CHRM2: variants seen among roughly 807,000 people sequenced by gnomAD.
CHRM2 encodes muscarinic acetylcholine receptor M2.
Under a neutral mutation model 25.0 loss-of-function variants are expected in CHRM2, and 8 were observed. That is an observed-to-expected ratio of 0.32 (90% CI 0.19 to 0.58). The LOEUF (loss-of-function observed/expected upper bound fraction) is 0.58. Among genes scored for constraint, CHRM2 ranks in the 20% least tolerant of loss-of-function variants. CHRM2 has a pLI of 0.88. For synonymous variants in CHRM2, 202 were observed against 205.7 expected (o/e 0.98, Z 0.15); for missense variants, 440 against 567.1 (o/e 0.78, Z 2.28).
In CHRM2 at chr7:137,015,509, G is replaced by A. The variant is rs1447700613; in HGVS notation, c.644G>A (p.Ser215Asn). ...TGGCACATATCCCGAGCCAGCAAGA[G>A]CAGGATAAAGAAGGACAAGAAGGAG... is the stretch of plus-strand genomic sequence containing the variant. Reference protein sequence around the residue: ...LYWHISRASKSRIKKDKKEPV... With the variant: ...LYWHISRASKNRIKKDKKEPV... The change falls in exon 4 of 4, where the codon AGC becomes AAC. Residue 215 changes from serine to asparagine, a missense_variant. Ser to Asn is a conservative substitution (Grantham distance 46). This residue lies in a region of CHRM2 where 261 missense variants were observed against 261.8 expected (regional missense o/e 1.00). Transcript: ENST00000680005. The surrounding 1 kb of genome is among the most constrained non-coding windows in gnomAD (Gnocchi z 5.1). 1.9e-6 allele frequency: 3 copies of A among 1,613,012 alleles called. No individual in the cohort carries two copies. The highest frequency in any genetic ancestry group is 2.5e-6 in the Non-Finnish European group (3 of 1,179,592).
intron 2 of CHRM2, among the ~76,000 whole-genome samples, chr7:136,990,050 G>C (rs756175717): frequency 1.3e-5 from 2 of 151,946 alleles, no homozygotes; most frequent in Non-Finnish European, 2.9e-5. Context: ...GCATCATCAT[G>C]ATCATATTTA....
chr7:136,930,898 CAAAAAAAAAAAAAAAAAAAAAAA>C (rs57705639), intron 2 of CHRM2, among the ~76,000 whole-genome samples: 2,193 of 61,228 alleles, frequency 0.036, 98 homozygotes, highest in African/African-American at 0.082. Flanking sequence ...CTCATTCTCT[CAAAAAAAAAAAAAAAAAAAAAAA>C]AAAAAAGGAT....
At chr7:136,888,059 T>C (rs1266816699) in intron 2 of CHRM2, among the ~76,000 whole-genome samples, 1 of 152,180 alleles carries the variant, frequency 6.6e-6, no homozygotes, top group African/African-American at 2.4e-5. Flanking sequence ...CTCTCTGGGA[T>C]TTCCTGACAG....
intron 3 of CHRM2, among the ~76,000 whole-genome samples, chr7:136,992,900 T>G (rs377292748): frequency 2.6e-5 from 4 of 152,154 alleles, no homozygotes; most frequent in Non-Finnish European, 4.4e-5. Context: ...GAAACCTTAG[T>G]TTTTACTCTC....
intron 2 of CHRM2, among the ~76,000 whole-genome samples, chr7:136,933,471 C>T (rs868814095): frequency 2.0e-5 from 3 of 152,070 alleles, no homozygotes; most frequent in African/African-American, 4.8e-5. Flanking sequence ...GAACCATTTA[C>T]GTTGTTGATA....
intron 2 of CHRM2, among the ~76,000 whole-genome samples, chr7:136,931,948 C>T (rs571167323): frequency 1.5e-4 from 23 of 152,178 alleles, no homozygotes; most frequent in Non-Finnish European, 2.6e-4. Context: ...TCTGTGTAGT[C>T]GTGGGTTTTA....
chr7:136,968,171 A>G (rs867900134), intron 2 of CHRM2, among the ~76,000 whole-genome samples: 24 of 152,004 alleles, frequency 1.6e-4, no homozygotes, highest in African/African-American at 5.8e-4. Flanking sequence ...TCTGCAACAG[A>G]TCTACAAAAC....
At chr7:137,011,215 G>GTGTGTGTGTATA in intron 3 of CHRM2, among the ~76,000 whole-genome samples, 1 of 134,286 alleles carries the variant, frequency 7.4e-6, no homozygotes, top group Non-Finnish European at 1.5e-5. Flanking sequence ...GTGTGTGTGT[G>GTGTGTGTGTATA]TATATATATA....
At chr7:136,884,327 A>G (rs1796376272) in intron 2 of CHRM2, among the ~76,000 whole-genome samples, 1 of 152,170 alleles carries the variant, frequency 6.6e-6, no homozygotes, top group African/African-American at 2.4e-5. Flanking sequence ...ATGTCTTTAG[A>G]GTAAGAAAAA....
In CHRM2 at chr7:137,015,957, G is replaced by C. The variant is rs548996412; in HGVS notation, c.1092G>C (p.Lys364Asn). Residue 364 changes from lysine to asparagine, a missense_variant, in exon 4 of 4, where the codon AAG becomes AAC. Physicochemically the swap from Lys to Asn is moderately conservative, Grantham distance 94 (BLOSUM62 0). Transcript: ENST00000680005. This position sits in a 1 kb window ranked among gnomAD's most constrained non-coding sequence, Gnocchi z 5.1. ...GDEKQNIVAR[K>N]IVKMTKQPAK... Reference sequence around the variant, plus strand: ...AAAAGCAGAATATTGTAGCCCGCAAGATTGTGAAGATGACTAAGCAGCCTG... The same window carrying C: ...AAAAGCAGAATATTGTAGCCCGCAACATTGTGAAGATGACTAAGCAGCCTG... 6.2e-7 allele frequency: 1 copy of C among 1,613,146 alleles called. No individual in the cohort carries two copies. Among genetic ancestry groups the C allele is most frequent in the African/African-American group, 1.3e-5 (1 of 74,952 alleles).
chr7:136,956,940 A>G (rs976713874), intron 2 of CHRM2, among the ~76,000 whole-genome samples: 5 of 152,264 alleles, frequency 3.3e-5, no homozygotes, highest in Non-Finnish European at 5.9e-5. Flanking sequence ...CTTGAAGGCT[A>G]CATGTGACAT....
At chr7:136,977,485 A>C (rs1478308664) in intron 2 of CHRM2, among the ~76,000 whole-genome samples, 1 of 152,218 alleles carries the variant, frequency 6.6e-6, no homozygotes, top group East Asian at 1.9e-4. Context: ...TCAAGTAAAA[A>C]GAAATGAATA....
intron 2 of CHRM2, among the ~76,000 whole-genome samples, chr7:136,989,453 G>A (rs1803072386): frequency 2.0e-5 from 3 of 152,108 alleles, no homozygotes; most frequent in Non-Finnish European, 4.4e-5. Flanking sequence ...TTTATATAAA[G>A]AGAATAAAAC....
intron 2 of CHRM2, among the ~76,000 whole-genome samples, chr7:136,980,426 A>G (rs191521069): frequency 3.3e-5 from 5 of 152,278 alleles, no homozygotes; most frequent in African/African-American, 1.2e-4. Context: ...CTATTTGAAT[A>G]TCCTTTATTT....
chr7:136,885,353 A>G (rs1796421839), intron 2 of CHRM2, among the ~76,000 whole-genome samples: 1 of 152,222 alleles, frequency 6.6e-6, no homozygotes, highest in South Asian at 2.1e-4. Context: ...CCATCTCCTA[A>G]AAAGTAATTT....
intron 2 of CHRM2, among the ~76,000 whole-genome samples, chr7:136,926,239 T>C (rs1798742848): frequency 6.6e-6 from 1 of 151,224 alleles, no homozygotes; most frequent in Admixed American, 6.6e-5. Context: ...GTCTCAAAAA[T>C]AAAATAAATA....
chr7:136,900,660 G>T (rs1250383545), intron 2 of CHRM2, among the ~76,000 whole-genome samples: 3 of 152,048 alleles, frequency 2.0e-5, no homozygotes, highest in African/African-American at 7.2e-5. Flanking sequence ...TCTAAGAAAT[G>T]GCACAGAATT....
chr7:136,885,102 C>T (rs1796411538), intron 2 of CHRM2, among the ~76,000 whole-genome samples: 1 of 152,166 alleles, frequency 6.6e-6, no homozygotes, highest in Non-Finnish European at 1.5e-5. Context: ...TAACTTGCTT[C>T]AATCTTTTTA....
chr7:136,917,562 A>G (rs1798192412), intron 2 of CHRM2, among the ~76,000 whole-genome samples: 1 of 152,004 alleles, frequency 6.6e-6, no homozygotes, highest in Non-Finnish European at 1.5e-5. Flanking sequence ...TATTGCACAC[A>G]TTTACTACTT....
Sources: allele counts gnomAD v4.1 joint callset (sites outside exome capture counted in the v4.1 genomes callset), GRCh38; gene constraint gnomAD v4.1.1; regional missense constraint gnomAD v4.1.1; non-coding constraint Gnocchi (gnomAD v3.1); transcripts MANE v1.5; gene names NCBI Gene and HGNC (gene_info 2026-07-23, HGNC 2026-07-21).